Variants in RASAL2 observed in about 807,000 individuals in gnomAD.
RASAL2 encodes RAS protein activator like 2.
In RASAL2, 58 loss-of-function variants were observed where a neutral mutation model predicts 128.9. That is an observed-to-expected ratio of 0.45 (90% CI 0.36 to 0.56). The LOEUF is 0.56. RASAL2 is among the 20% of genes least tolerant of loss of function. The pLI is 0.00. For missense variants in RASAL2, 1,360 were observed against 1,601.6 expected, an observed-to-expected ratio of 0.85 and a Z score of 2.57; for synonymous variants, 561 against 580.8, an observed-to-expected ratio of 0.97 and a Z score of 0.49.
chr1:178,456,988 A>C, intron 13 of RASAL2, 89 bp downstream of exon 13: 1 of 1,368,766 alleles, frequency 7.3e-7, no homozygotes, highest in South Asian at 1.3e-5. Flanking sequence ...TTGAATTTAC[A>C]AGTTTAAAAT....
intron 1 of RASAL2, chr1:178,194,283 G>A (rs1662587048): frequency 9.2e-6 from 2 of 216,998 alleles, no homozygotes; most frequent in Non-Finnish European, 2.0e-5. Flanking sequence ...TTACAAAAAT[G>A]TCATGAATTA....
intron 1 of RASAL2, among the ~76,000 whole-genome samples, chr1:178,153,276 G>C (rs1318741178): frequency 6.6e-6 from 1 of 152,054 alleles, no homozygotes; most frequent in African/African-American, 2.4e-5. Context: ...ATCTGATTTA[G>C]ACATTTTTTG....
intron 14 of RASAL2, among the ~76,000 whole-genome samples, chr1:178,462,169 G>A (rs1047841465): frequency 1.3e-5 from 2 of 151,952 alleles, no homozygotes; most frequent in African/African-American, 4.8e-5. Flanking sequence ...TCAATTTTTT[G>A]GACTATAAAC....
intron 1 of RASAL2, among the ~76,000 whole-genome samples, chr1:178,162,829 C>T (rs1661380558): frequency 6.6e-6 from 1 of 150,988 alleles, no homozygotes; most frequent in South Asian, 2.1e-4. Context: ...CTTAGGTGAT[C>T]CACCTGCCTC....
chr1:178,321,275 G>C lies in RASAL2; in HGVS notation c.457+21157G>C, dbSNP rs1043649752. ...ATTTTTGTATTTTTAGTAGAGACAG[G>C]GTTTCACCCCATGTTGGCCAGGCTA... On this transcript the variant is annotated intron_variant, in intron 3 of 17. Coordinates refer to ENST00000367649, the MANE Select transcript of RASAL2 (RefSeq NM_170692.4). 1.3e-4 allele frequency among the ~76,000 whole-genome samples: 19 copies of C among 151,996 alleles called. 1 individual carries two copies. The highest frequency in any genetic ancestry group is 1.0e-3 in the Admixed American group (16 of 15,282).
At chr1:178,178,418 G>A (rs764991844) in intron 1 of RASAL2, among the ~76,000 whole-genome samples, 6 of 151,958 alleles carry the variant, frequency 3.9e-5, no homozygotes, top group South Asian at 2.1e-4. Context: ...AGACAGATTC[G>A]TAACTATTTT....
At chr1:178,378,579 G>A (rs10913541) in intron 3 of RASAL2, among the ~76,000 whole-genome samples, 37,682 of 151,886 alleles carry the variant, frequency 0.25, 7,407 homozygotes, top group African/African-American at 0.55. Flanking sequence ...AAAGTTATAC[G>A]GATTGCATTC....
chr1:178,286,243 A>G (rs1557877662), intron 2 of RASAL2, among the ~76,000 whole-genome samples: 2 of 152,266 alleles, frequency 1.3e-5, no homozygotes, highest in East Asian at 3.9e-4. Context: ...TAGTCTTACA[A>G]GAACTGAGAT....
At chr1:178,098,066 G>A (rs1330005344) in intron 1 of RASAL2, among the ~76,000 whole-genome samples, 1 of 152,150 alleles carries the variant, frequency 6.6e-6, no homozygotes, top group Non-Finnish European at 1.5e-5. Context: ...GTTGTAAAAT[G>A]TTTCATTTGT....
chr1:178,455,607 T>A (rs1677717910), intron 12 of RASAL2, among the ~76,000 whole-genome samples: 1 of 152,250 alleles, frequency 6.6e-6, no homozygotes, highest in Non-Finnish European at 1.5e-5. Flanking sequence ...GAGGACCTTT[T>A]CTTCACTTTT....
rs546523413 is a variant in RASAL2, at chr1:178,222,591, C to T, written c.203-60973C>T. Among the ~76,000 whole-genome samples, 12 of 151,922 alleles carry T rather than the reference C, an allele frequency of 7.9e-5. No individual in the cohort carries two copies. In the South Asian group the frequency reaches 8.3e-4, roughly 11 times the overall value. ...GATGCTTAAAGTTCTATCTTAGAAC[C>T]GATTGCCTGATTATTTATCAGATGT... On this transcript the variant is annotated intron_variant, in intron 1 of 17. Coordinates refer to ENST00000367649, the MANE Select transcript of RASAL2 (RefSeq NM_170692.4).
chr1:178,115,694 A>G (rs1220308325), intron 1 of RASAL2, among the ~76,000 whole-genome samples: 2 of 152,200 alleles, frequency 1.3e-5, no homozygotes, highest in African/African-American at 4.8e-5. Context: ...TGGTATCTTT[A>G]TTTTCAAAAA....
Position 178,232,631 on chromosome 1 carries a change from T to C in RASAL2, c.203-50933T>C, listed in dbSNP as rs573479699. On this transcript the variant is annotated intron_variant, in intron 1 of 17. Transcript: ENST00000367649. ...TGGTGTTGGCTTTCTTTTGGCTTTT[T>C]TCCTCCTCTTACAGTACCAGTTTGA... 2.0e-5 allele frequency among the ~76,000 whole-genome samples: 3 copies of C among 152,310 alleles called. No homozygotes were observed. In the East Asian group the frequency reaches 5.8e-4, roughly 29 times the overall value.
At chr1:178,311,450 C>T (rs1048715547) in intron 3 of RASAL2, among the ~76,000 whole-genome samples, 12 of 152,006 alleles carry the variant, frequency 7.9e-5, no homozygotes, top group Admixed American at 6.6e-5. Context: ...TAGCAGATCC[C>T]CAGGTCTCCT....
At chr1:178,110,944 G>A (rs1356377249) in intron 1 of RASAL2, among the ~76,000 whole-genome samples, 1 of 151,618 alleles carries the variant, frequency 6.6e-6, no homozygotes, top group Non-Finnish European at 1.5e-5. Context: ...TTATAGTTGT[G>A]TTTTTTTCTT....
chr1:178,358,379 A>T (rs1208112585), intron 3 of RASAL2, among the ~76,000 whole-genome samples: 1 of 152,060 alleles, frequency 6.6e-6, no homozygotes, highest in Non-Finnish European at 1.5e-5. Context: ...AGGTAAAAAG[A>T]CCAGTTAGAA....
chr1:178,258,792 T>C (rs1292667471), intron 1 of RASAL2, among the ~76,000 whole-genome samples: 2 of 152,208 alleles, frequency 1.3e-5, no homozygotes, highest in Non-Finnish European at 2.9e-5. Context: ...TATGTCCTCA[T>C]AAAAATTCAT....
chr1:178,434,149 T>C (rs1676105346), intron 5 of RASAL2, among the ~76,000 whole-genome samples: 1 of 152,136 alleles, frequency 6.6e-6, no homozygotes, highest in African/African-American at 2.4e-5. Flanking sequence ...TAGTTGTGTT[T>C]ATATTGAATT....
chr1:178,110,515 TA>T (rs1162002072), intron 1 of RASAL2, among the ~76,000 whole-genome samples: 2 of 147,332 alleles, frequency 1.4e-5, no homozygotes, highest in South Asian at 2.1e-4. Flanking sequence ...ATAGCATATA[TA>T]GTGTATATAT....
Sources: allele counts gnomAD v4.1 joint callset (sites outside exome capture counted in the v4.1 genomes callset), GRCh38; gene constraint gnomAD v4.1.1; transcripts MANE v1.5; gene names NCBI Gene and HGNC (gene_info 2026-07-23, HGNC 2026-07-21).